The following EXOC4 variants were observed in gnomAD, a reference collection of about 807,000 sequenced individuals.
EXOC4 encodes SEC8-like 1.
Under a neutral mutation model 107.2 loss-of-function variants are expected in EXOC4, and 71 were observed. That is an observed-to-expected ratio of 0.66 (90% CI 0.55 to 0.81). The LOEUF (loss-of-function observed/expected upper bound fraction) is 0.81. Among genes scored for constraint, EXOC4 ranks in the 30% least tolerant of loss-of-function variants. The probability of loss-of-function intolerance (pLI) is 0.00; values close to 1 mark genes in which losing one functional copy is unlikely to be tolerated. For synonymous variants in EXOC4, 456 were observed against 441.2 expected, an observed-to-expected ratio of 1.03 and a Z score of -0.42; for missense variants, 1,108 against 1,189.6, an observed-to-expected ratio of 0.93 and a Z score of 1.01.
At chr7:133,619,995 T>C (rs1405781364) in intron 9 of EXOC4, among the ~76,000 whole-genome samples, 3 of 150,650 alleles carry the variant, frequency 2.0e-5, no homozygotes, top group Non-Finnish European at 4.4e-5. Flanking sequence ...TGTGTGTGTG[T>C]GTGTGTGTGT....
intron 9 of EXOC4, among the ~76,000 whole-genome samples, chr7:133,516,052 T>C (rs1799869151): frequency 6.6e-6 from 1 of 152,224 alleles, no homozygotes; most frequent in African/African-American, 2.4e-5. Context: ...TTTAAAATAC[T>C]GGAAGACTAT....
At chr7:133,703,968 G>A (rs1267057410) in intron 10 of EXOC4, among the ~76,000 whole-genome samples, 2 of 152,154 alleles carry the variant, frequency 1.3e-5, no homozygotes, top group African/African-American at 4.8e-5. Flanking sequence ...GTTTCTATAA[G>A]TAGCCTGTTG....
the EXOC4 span, among the ~76,000 whole-genome samples, chr7:134,080,526 G>A: frequency 1.6e-4 from 24 of 152,110 alleles, no homozygotes; most frequent in Admixed American, 2.6e-4. Flanking sequence ...CTGGAAGATG[G>A]ATAATGGATT....
chr7:134,039,307 T>TA (rs1209773947), intron 17 of EXOC4, among the ~76,000 whole-genome samples: 8 of 152,262 alleles, frequency 5.3e-5, no homozygotes, highest in Admixed American at 2.0e-4. Flanking sequence ...GAGTGCATGA[T>TA]AAAGCTTCAG....
intron 11 of EXOC4, among the ~76,000 whole-genome samples, chr7:133,827,876 A>G (rs1194429019): frequency 4.6e-5 from 7 of 152,210 alleles, no homozygotes. Context: ...CTTGGTGCCA[A>G]GAAACTTGTC....
the EXOC4 span, among the ~76,000 whole-genome samples, chr7:134,094,095 A>G: frequency 6.6e-6 from 1 of 151,172 alleles, no homozygotes; most frequent in African/African-American, 2.4e-5. Flanking sequence ...AAAAATATTG[A>G]GTCCCAAAAA....
At chr7:133,683,144 C>A (rs937753399) in intron 10 of EXOC4, among the ~76,000 whole-genome samples, 2 of 152,192 alleles carry the variant, frequency 1.3e-5, no homozygotes, top group African/African-American at 4.8e-5. Context: ...GACCTGACTT[C>A]TCCTTCCCCT....
intron 7 of EXOC4, among the ~76,000 whole-genome samples, chr7:133,410,523 T>A (rs1378897224): frequency 6.6e-6 from 1 of 152,192 alleles, no homozygotes; most frequent in Non-Finnish European, 1.5e-5. Flanking sequence ...AGGGGTTATT[T>A]CATTATCAGC....
At chr7:133,408,166 A>G (rs918716308) in intron 7 of EXOC4, among the ~76,000 whole-genome samples, 13 of 148,546 alleles carry the variant, frequency 8.8e-5, no homozygotes, top group African/African-American at 3.2e-4. Context: ...AGGAGGTGGT[A>G]GTGATGATGG....
intron 12 of EXOC4, among the ~76,000 whole-genome samples, chr7:133,896,814 C>T (rs977135564): frequency 2.9e-5 from 4 of 137,576 alleles, no homozygotes; most frequent in Admixed American, 7.1e-5. Flanking sequence ...TACAGGTGCG[C>T]GCCACCATGT....
At chr7:133,855,128 A>ATATGT (rs1563028596) in intron 11 of EXOC4, among the ~76,000 whole-genome samples, 1 of 64,814 alleles carries the variant, frequency 1.5e-5, no homozygotes, top group Admixed American at 1.4e-4. Context: ...TATATATATA[A>ATATGT]ATATATATAT....
chr7:134,098,999 AAGG>A, the EXOC4 span, among the ~76,000 whole-genome samples: 1 of 152,060 alleles, frequency 6.6e-6, no homozygotes, highest in Non-Finnish European at 1.5e-5. Context: ...GTGTTTCCAG[AAGG>A]AGATGGCATT....
intron 9 of EXOC4, among the ~76,000 whole-genome samples, chr7:133,597,554 CAAAAAAAAAAAAAA>C (rs58399632): frequency 1.0e-5 from 1 of 96,076 alleles, no homozygotes; most frequent in South Asian, 3.7e-4. Flanking sequence ...AACTCTGTTT[CAAAAAAAAAAAAAA>C]AAAAAAACCC....
rs558800269 is a variant in EXOC4 at position 133,616,102 on chromosome 7, G to A, written c.1418-13943G>A. Among the ~76,000 whole-genome samples, 21 of 152,270 alleles carry A rather than the reference G, an allele frequency of 1.4e-4. No homozygotes were observed. The South Asian group carries it at 3.3e-3, about 24-fold the overall frequency. ...TATTGGCCTATTTTGTAGAGGAACA[G>A]TGTCCTGTTTTCTCTACCAAACAAT... On this transcript the variant is annotated intron_variant, in intron 9 of 17. Transcript: ENST00000253861.
intron 1 of EXOC4, among the ~76,000 whole-genome samples, chr7:133,261,799 AT>A (rs1378627205): frequency 6.6e-6 from 1 of 151,972 alleles, no homozygotes; most frequent in Non-Finnish European, 1.5e-5. Context: ...GAATTATGAA[AT>A]TTTTTCACTC....
intron 9 of EXOC4, among the ~76,000 whole-genome samples, chr7:133,573,229 T>C (rs889151773): frequency 6.6e-5 from 10 of 152,190 alleles, no homozygotes; most frequent in Non-Finnish European, 1.3e-4. Flanking sequence ...ACTTTATGTA[T>C]ATTGTTAGAG....
chr7:133,580,440 C>T (rs1290427097), intron 9 of EXOC4, among the ~76,000 whole-genome samples: 4 of 152,156 alleles, frequency 2.6e-5, no homozygotes, highest in African/African-American at 4.8e-5. Flanking sequence ...CATACGACTA[C>T]AGCATTTGAC....
At chr7:133,686,993 TTG>T (rs1027053373) in intron 10 of EXOC4, among the ~76,000 whole-genome samples, 226 of 7,592 alleles carry the variant, frequency 0.03, 2 homozygotes, top group African/African-American at 0.051. Context: ...ATAAAGAATT[TTG>T]TGTGTGTGTG....
the EXOC4 span, among the ~76,000 whole-genome samples, chr7:134,073,301 A>G: frequency 6.6e-6 from 1 of 151,130 alleles, no homozygotes; most frequent in African/African-American, 2.4e-5. Context: ...GTGGACACCT[A>G]AAGGCCCCCA....
Sources: gnomAD v4.1 joint callset for allele counts (sites outside exome capture counted in the v4.1 genomes callset) on GRCh38, gnomAD v4.1.1 for gene constraint, MANE v1.5 for transcripts, NCBI Gene and HGNC (gene_info 2026-07-23, HGNC 2026-07-21) for gene names.